WHAMM: variants seen among roughly 807,000 people sequenced by gnomAD.
The protein encoded by WHAMM is WASP homolog associated with actin, golgi membranes and microtubules.
A neutral mutation model predicts 76.5 loss-of-function variants in WHAMM; 67 were observed. The ratio of observed to expected loss-of-function variants is 0.88; its 90% CI spans 0.72 to 1.07. The LOEUF is 1.07. Ranked by LOEUF, WHAMM falls within the 50% of genes least tolerant of loss-of-function variation. The pLI, the probability that WHAMM is intolerant of heterozygous loss-of-function variation, is 0.00. For missense variants in WHAMM, 1,021 were observed against 1,051.1 expected (o/e 0.97, Z 0.40); for synonymous variants, 419 against 422.1 (o/e 0.99, Z 0.09).
At chr15:82,815,145 AT>A (rs60627581) in intron 2 of WHAMM, among the ~76,000 whole-genome samples, 24,651 of 72,592 alleles carry the variant, frequency 0.34, 3,852 homozygotes, top group African/African-American at 0.39. Flanking sequence ...ATATATATAT[AT>A]ATATATATAG....
chr15:82,811,934 A>T (rs2050635906), intron 1 of WHAMM, among the ~76,000 whole-genome samples: 1 of 152,130 alleles, frequency 6.6e-6, no homozygotes, highest in Admixed American at 6.5e-5. Context: ...AGAAGGATGG[A>T]AATAGGAGAA....
chr15:82,820,896 CA>C (rs60974626), intron 5 of WHAMM, among the ~76,000 whole-genome samples: 1,469 of 119,268 alleles, frequency 0.012, 8 homozygotes, highest in Non-Finnish European at 0.021. Flanking sequence ...GACTCTGTCT[CA>C]AAAAAAAAAA....
At chr15:82,817,717 T>TA (rs952267736) in intron 3 of WHAMM, among the ~76,000 whole-genome samples, 4 of 152,188 alleles carry the variant, frequency 2.6e-5, no homozygotes, top group East Asian at 1.9e-4. Context: ...GATCATGACT[T>TA]ACTGTCTTTT....
At chr15:82,832,662 G>A (rs1372911808) in intron 9 of WHAMM, among the ~76,000 whole-genome samples, 2 of 152,194 alleles carry the variant, frequency 1.3e-5, no homozygotes, top group African/African-American at 4.8e-5. Context: ...TCCGGTGGCG[G>A]TTCATTGAGT....
rs181642921 is a variant in WHAMM at position 82,823,310 on chromosome 15, T to G, written c.1458+23T>G. ...AAGGTAGGTACGCTCAGAGCGGCTT[T>G]CTTTTCTTTTCTCTTTCAGAGATTT... is the stretch of plus-strand genomic sequence containing the variant. On this transcript the variant is annotated intron_variant, in intron 6 of 9. Coordinates refer to ENST00000286760, the MANE Select transcript of WHAMM (RefSeq NM_001080435.3). 1,535 of 1,371,258 alleles carry G rather than the reference T, an allele frequency of 1.1e-3. 4 individuals are homozygous for G. In the Middle Eastern group the frequency reaches 0.012, roughly 10 times the overall value. 84.9% of individuals were successfully genotyped at this position (1,371,258 alleles called of 1,614,324 possible). A position where few individuals can be genotyped will look rare whatever the true frequency, so the allele number is the denominator to read the frequency against.
In WHAMM at chr15:82,833,482, T is replaced by C; in HGVS notation, c.2376T>C (p.Ser792=). 6.2e-7 allele frequency: 1 copy of C among 1,613,962 alleles called. No individual in the cohort carries two copies. The highest frequency in any genetic ancestry group is 8.5e-7 in the Non-Finnish European group (1 of 1,179,882). The part of the protein sequence containing the change: ...KAALQRIKRV[S]ADSEEDSDEQ... ...CGCTCCAGAGAATCAAGAGGGTGTC[T>C]GCTGACTCTGAGGAGGACAGTGATG... The change falls in exon 10 of 10, where the codon TCT becomes TCC. Residue 792 remains serine (S), a synonymous_variant. Transcript: ENST00000286760.
chr15:82,831,969 C>T (rs554219503), intron 9 of WHAMM, among the ~76,000 whole-genome samples: 4 of 152,218 alleles, frequency 2.6e-5, no homozygotes, highest in Non-Finnish European at 5.9e-5. Flanking sequence ...GAGTTCAGAG[C>T]TTCACTGTAC....
intron 1 of WHAMM, 82 bp downstream of exon 1, chr15:82,810,417 CCTGG>C: frequency 8.2e-7 from 1 of 1,226,674 alleles, no homozygotes; most frequent in South Asian, 3.4e-5. Flanking sequence ...CGCCGAGAGC[CCTGG>C]CTGACGGCTG....
At chr15:82,826,169 ATGGT>A (rs2050928718) in intron 6 of WHAMM, among the ~76,000 whole-genome samples, 1 of 152,200 alleles carries the variant, frequency 6.6e-6, no homozygotes, top group South Asian at 2.1e-4. Context: ...GTGTCCTCTC[ATGGT>A]TGGCGGATTG....
intron 8 of WHAMM, among the ~76,000 whole-genome samples, chr15:82,828,200 C>T (rs2050968446): frequency 6.6e-6 from 1 of 152,158 alleles, no homozygotes; most frequent in South Asian, 2.1e-4. Context: ...ATAGTTTCAT[C>T]ACCACTTTAC....
intron 3 of WHAMM, among the ~76,000 whole-genome samples, chr15:82,817,272 G>A (rs2050741910): frequency 6.6e-6 from 1 of 152,350 alleles, no homozygotes; most frequent in South Asian, 2.1e-4. Context: ...TGGCAAATTA[G>A]GAGCTTAAAG....
chr15:82,830,887 C>A lies in WHAMM; in HGVS notation c.1930C>A (p.Pro644Thr), dbSNP rs1566999123. 4 of 1,582,982 alleles carry A rather than the reference C, an allele frequency of 2.5e-6. No homozygotes were observed. Among genetic ancestry groups the A allele is most frequent in the Non-Finnish European group, 3.4e-6 (4 of 1,164,312 alleles). ...ATTGTCACTGCCACCACCTCCTCCT[C>A]CTCCACCACCACCACCGCCGCCACC... ...EELSLPPPPP[P>T]PPPPPPPPPP... The change falls in exon 9 of 10, where the codon CCT becomes ACT. Residue 644 changes from proline (P) to threonine (T), a missense_variant. Physicochemically the swap from Pro to Thr is conservative, Grantham distance 38 (BLOSUM62 -1). Around this residue, in one of 3 missense-constraint regions of WHAMM, gnomAD observed 509 missense variants for 492.3 expected, o/e 1.03. Transcript: ENST00000286760.
chr15:82,812,998 T>C, intron 1 of WHAMM, 105 bp from the exon 2 acceptor site: 1 of 793,922 alleles, frequency 1.3e-6, no homozygotes, highest in Non-Finnish European at 1.8e-6. Flanking sequence ...AAAATTGATG[T>C]ATTAAAAGTT....
At chr15:82,823,589 A>G (rs927870152) in intron 6 of WHAMM, among the ~76,000 whole-genome samples, 1 of 115,396 alleles carries the variant, frequency 8.7e-6, no homozygotes, top group Non-Finnish European at 2.0e-5. Flanking sequence ...TTTTTGAGAC[A>G]GAGTCTTGCT....
intron 9 of WHAMM, 95 bp downstream of exon 9, chr15:82,831,174 T>G (rs2051027894): frequency 6.6e-7 from 1 of 1,513,296 alleles, no homozygotes. Flanking sequence ...TGGAAATCAT[T>G]TTTATAATTC....
Position 82,826,859 on chromosome 15 carries a change from A to ATGATACG in WHAMM, c.1641+13_1641+14insTGATACG. The ATGATACG allele has an allele frequency of 2.7e-6, 4 of 1,478,978 alleles. No homozygotes were observed. The highest frequency in any genetic ancestry group is 2.6e-5 in the East Asian group (1 of 39,004). 91.6% of individuals were successfully genotyped at this position (1,478,978 alleles called of 1,614,324 possible). On this transcript the variant is annotated intron_variant, in intron 8 of 9. Coordinates refer to ENST00000286760, the MANE Select transcript of WHAMM (RefSeq NM_001080435.3). ...ATCATTTAAAGATGTAAGTTCTATA[A>ATGATACG]ACAATCACCTCATCTACACTTCTGG...
Position 82,819,382 on chromosome 15 carries a change from A to G in WHAMM, c.1164A>G (p.Gln388=). 2 of 1,182,142 alleles carry G rather than the reference A, an allele frequency of 1.7e-6. No individual in the cohort carries two copies. Among genetic ancestry groups the G allele is most frequent in the Non-Finnish European group, 2.3e-6 (2 of 877,658 alleles). The allele number at this position is 1,182,142 out of a possible 1,614,324, so 73.2% of individuals were successfully genotyped here. The change falls in exon 5 of 10, where the codon CAA becomes CAG. Residue 388 remains glutamine, a synonymous_variant. Coordinates refer to ENST00000286760, the MANE Select transcript of WHAMM (RefSeq NM_001080435.3). ...ATGTTGTAGATGAATTAGAAATACA[A>G]TTTTATGAAATTCAATTAGAACTAT... ...NTNVVDELEI[Q]FYEIQLELYE... is the part of the protein sequence containing the mutation.
chr15:82,821,212 T>A (rs548380823), intron 5 of WHAMM, among the ~76,000 whole-genome samples: 8 of 152,358 alleles, frequency 5.3e-5, no homozygotes, highest in African/African-American at 1.7e-4. Flanking sequence ...CTCCTTGTCA[T>A]TTGTGTTTTC....
intron 5 of WHAMM, among the ~76,000 whole-genome samples, chr15:82,820,141 G>A (rs964643164): frequency 2.6e-5 from 4 of 151,966 alleles, no homozygotes; most frequent in African/African-American, 9.7e-5. Context: ...AACCAGTTCA[G>A]TAACATCTTT....
Sources: allele counts gnomAD v4.1 joint callset (sites outside exome capture counted in the v4.1 genomes callset), GRCh38; gene constraint gnomAD v4.1.1; regional missense constraint gnomAD v4.1.1; transcripts MANE v1.5; gene names NCBI Gene and HGNC (gene_info 2026-07-23, HGNC 2026-07-21).